Variants in STARD8 observed in about 807,000 individuals in gnomAD.
STARD8 encodes stAR-related lipid transfer protein 8.
In STARD8, 25 loss-of-function variants were observed where a neutral mutation model predicts 69.4. The observed-to-expected ratio is 0.36, with a 90% CI of 0.26 to 0.50. The LOEUF is 0.50. Ranked by LOEUF, STARD8 falls within the 20% of genes least tolerant of loss-of-function variation. The probability of loss-of-function intolerance (pLI) is 0.96; values close to 1 mark genes in which losing one functional copy is unlikely to be tolerated. For synonymous variants in STARD8, 389 were observed against 374.6 expected, an observed-to-expected ratio of 1.04 and a Z score of -0.45; for missense variants, 921 against 932.5, an observed-to-expected ratio of 0.99 and a Z score of 0.16.
intron 1 of STARD8, among the ~76,000 whole-genome samples, chrX:68,657,616 C>A (rs1330388454): frequency 8.9e-6 from 1 of 112,036 alleles, no homozygotes; most frequent in Non-Finnish European, 1.9e-5. Flanking sequence ...GGCCATCCCA[C>A]CTAGTCCTTA....
chrX:68,692,400 T>A (rs185134593), intron 2 of STARD8, among the ~76,000 whole-genome samples: 1 of 112,258 alleles, frequency 8.9e-6, no homozygotes. Context: ...CAGTTTGGCC[T>A]AGTGAACTGA....
intron 12 of STARD8, 94 bp downstream of exon 12, chrX:68,722,740 A>G (rs1212684425): frequency 1.1e-5 from 10 of 880,911 alleles, no homozygotes; most frequent in Non-Finnish European, 1.6e-5. Context: ...GCCGGGGAGG[A>G]GCTGCCGCCT....
chrX:68,690,149 ATG>A (rs1243536282), intron 2 of STARD8, among the ~76,000 whole-genome samples: 1 of 109,856 alleles, frequency 9.1e-6, no homozygotes, highest in East Asian at 2.9e-4. Flanking sequence ...GCATGCGGGA[ATG>A]TGCGTACAAG....
In STARD8 at chrX:68,724,353, C is replaced by T; in HGVS notation, c.3243C>T (p.Ala1081=). The T allele has an allele frequency of 8.3e-7, 1 of 1,209,103 alleles. No homozygotes were observed. Among genetic ancestry groups the T allele is most frequent in the African/African-American group, 1.7e-5 (1 of 57,865 alleles). The change falls in exon 15 of 15, where the codon GCC becomes GCT. Residue 1081 remains alanine, a synonymous_variant. Coordinates refer to ENST00000374599, the MANE Select transcript of STARD8 (RefSeq NM_001142503.3). ...WYNKVFGHLC[A]MEVAKIRDSF... Reference sequence around the variant, plus strand: ...ACAAAGTCTTTGGACACCTGTGTGCCATGGAAGTGGCAAAGATCCGGGACT... The same window carrying T: ...ACAAAGTCTTTGGACACCTGTGTGCTATGGAAGTGGCAAAGATCCGGGACT...
In STARD8 at chrX:68,713,018, T is replaced by C. The variant is rs2080063714; in HGVS notation, c.151+33T>C. 6.9e-6 allele frequency: 8 copies of C among 1,161,127 alleles called. No homozygotes were observed. In the East Asian group the frequency reaches 2.4e-4, roughly 35 times the overall value. On this transcript the variant is annotated intron_variant, in intron 3 of 14. Transcript: ENST00000374599. Reference sequence around the variant, plus strand: ...CACTCAACTGTTTACCCTCCCATACTTCCCCTAGCCCTCAGTTTTTCATCT... The same window carrying C: ...CACTCAACTGTTTACCCTCCCATACCTCCCCTAGCCCTCAGTTTTTCATCT...
At chrX:68,684,533 A>G (rs2079819498) in intron 2 of STARD8, among the ~76,000 whole-genome samples, 1 of 112,661 alleles carries the variant, frequency 8.9e-6, no homozygotes, top group African/African-American at 3.2e-5. Context: ...GAGGAAGCTG[A>G]CTGAGGCCTC....
intron 1 of STARD8, among the ~76,000 whole-genome samples, chrX:68,660,783 C>A (rs1166576159): frequency 6.2e-5 from 7 of 112,767 alleles, no homozygotes; most frequent in Non-Finnish European, 1.3e-4. Context: ...ACCCACCTTC[C>A]AGCTGAGAGA....
Position 68,724,456 on chromosome X carries a change from G to A in STARD8, c.*34G>A. 8.9e-7 allele frequency: 1 copy of A among 1,126,029 alleles called. No homozygotes were observed. Among genetic ancestry groups the A allele is most frequent in the Non-Finnish European group, 1.2e-6 (1 of 826,020 alleles). 92.8% of individuals were successfully genotyped at this position (1,126,029 alleles called of 1,213,427 possible). A position where few individuals can be genotyped will look rare whatever the true frequency, so the allele number is the denominator to read the frequency against. ...CTGGTCCCAGGGTGGCACCACCCAG[G>A]CCCCCTGGGCACCAAGGGAGCGAGG... On this transcript the variant is annotated 3_prime_UTR_variant, in exon 15 of 15. Coordinates refer to ENST00000374599, the MANE Select transcript of STARD8 (RefSeq NM_001142503.3).
intron 2 of STARD8, among the ~76,000 whole-genome samples, chrX:68,698,048 C>A (rs931568104): frequency 1.8e-5 from 2 of 112,365 alleles, no homozygotes; most frequent in Non-Finnish European, 3.8e-5. Flanking sequence ...CCACCTCAGG[C>A]CTTAAAGAGA....
chrX:68,653,287 A>C (rs1602536044), intron 1 of STARD8, among the ~76,000 whole-genome samples: 10 of 30,341 alleles, frequency 3.3e-4, no homozygotes, highest in Admixed American at 8.3e-4. Flanking sequence ...CCACACACAC[A>C]CCACACACCA....
chrX:68,682,079 A>G (rs781326417), intron 2 of STARD8, among the ~76,000 whole-genome samples: 37 of 107,185 alleles, frequency 3.5e-4, no homozygotes, highest in African/African-American at 1.2e-3. Flanking sequence ...GCTCACTGCA[A>G]CCTCCGCCTC....
intron 2 of STARD8, among the ~76,000 whole-genome samples, chrX:68,688,695 G>A (rs1334601266): frequency 8.9e-6 from 1 of 111,873 alleles, no homozygotes; most frequent in African/African-American, 3.2e-5. Context: ...AACGCTGGGG[G>A]CAAAGACCAG....
chrX:68,716,045 C>T (rs1338434304), intron 4 of STARD8, among the ~76,000 whole-genome samples: 1 of 111,669 alleles, frequency 9.0e-6, no homozygotes, highest in African/African-American at 3.3e-5. Flanking sequence ...CATTTGCATC[C>T]TCCAGGAAGC....
At chrX:68,676,175 G>A (rs774972497) in intron 2 of STARD8, among the ~76,000 whole-genome samples, 29 of 112,478 alleles carry the variant, frequency 2.6e-4, no homozygotes, top group South Asian at 1.9e-3. Flanking sequence ...TGTGGGGCAG[G>A]AGACGGGCCT....
chrX:68,678,185 A>G (rs1225038411), intron 2 of STARD8, among the ~76,000 whole-genome samples: 1 of 111,441 alleles, frequency 9.0e-6, no homozygotes, highest in East Asian at 2.8e-4. Flanking sequence ...AGAAGAGATG[A>G]GTGTGGCCAG....
At chrX:68,677,797 C>G (rs964348016) in intron 2 of STARD8, among the ~76,000 whole-genome samples, 17 of 110,758 alleles carry the variant, frequency 1.5e-4, no homozygotes, top group Non-Finnish European at 2.1e-4. Context: ...TCCTCAGATT[C>G]TGGCTCCAAG....
chrX:68,651,467 G>A (rs7890408), intron 1 of STARD8, among the ~76,000 whole-genome samples: 308 of 112,284 alleles, frequency 2.7e-3, no homozygotes, highest in African/African-American at 8.4e-3. Context: ...TCAAGGGCAC[G>A]GGCTGCTGTG....
intron 1 of STARD8, among the ~76,000 whole-genome samples, chrX:68,659,346 A>G (rs1422335296): frequency 8.9e-6 from 1 of 111,751 alleles, no homozygotes; most frequent in Non-Finnish European, 1.9e-5. Flanking sequence ...GGCTGAGGAG[A>G]GCCTAGAATT....
intron 5 of STARD8, 86 bp downstream of exon 5, chrX:68,716,517 C>T (rs1331396424): frequency 1.0e-6 from 1 of 956,010 alleles, no homozygotes; most frequent in Non-Finnish European, 1.5e-6. Flanking sequence ...AAAACTAGCT[C>T]CAGTATCCCA....
Sources: gnomAD v4.1 joint callset for allele counts (sites outside exome capture counted in the v4.1 genomes callset) on GRCh38, gnomAD v4.1.1 for gene constraint, MANE v1.5 for transcripts, NCBI Gene and HGNC (gene_info 2026-07-23, HGNC 2026-07-21) for gene names.